The following IGSF8 variants were observed in gnomAD, a reference collection of about 807,000 sequenced individuals.
The protein encoded by IGSF8 is CD81 partner 3.
Under a neutral mutation model 55.5 loss-of-function variants are expected in IGSF8, and 46 were observed. The observed-to-expected ratio is 0.83, with a 90% CI of 0.65 to 1.06. The LOEUF (loss-of-function observed/expected upper bound fraction) is 1.06. IGSF8 is among the 50% of genes least tolerant of loss of function. The pLI is 0.00. For missense variants in IGSF8, 731 were observed against 832.3 expected (o/e 0.88, Z 1.50); for synonymous variants, 314 against 356.1 (o/e 0.88, Z 1.33).
chr1:160,091,796 C>G lies in IGSF8; in HGVS notation c.*15+12G>C. 1.9e-6 allele frequency: 3 copies of G among 1,541,236 alleles called. No individual in the cohort carries two copies. The highest frequency in any genetic ancestry group is 2.7e-6 in the Non-Finnish European group (3 of 1,113,424). On this transcript the variant is annotated intron_variant, in intron 6 of 6. Transcript: ENST00000314485. The stretch of plus-strand genomic sequence containing the variant: ...CCAATGAAAACAAGGTTGGGGGGTT[C>G]TTTTCCCTCACCTGGGGAGTAAGGG...
chr1:160,098,678 T>A (rs1363342524), upstream of IGSF8: 2 of 514,858 alleles, frequency 3.9e-6, no homozygotes, highest in Non-Finnish European at 6.8e-6. Context: ...CTGAAACCAT[T>A]CTCGCCCCGG....
rs958481567 is a variant in IGSF8 at position 160,092,625 on chromosome 1, C to G, written c.1383G>C (p.Leu461=). The part of the protein sequence containing the change: ...TVYRGETASL[L]CNISVRGGPP... ...GGCCACCCCGCACAGAGATGTTGCACAGCAGGGAGGCAGTCTCCCCGCGGT... is the reference window on the plus strand; with the variant it reads ...GGCCACCCCGCACAGAGATGTTGCAGAGCAGGGAGGCAGTCTCCCCGCGGT... The change falls in exon 5 of 7, where the codon CTG becomes CTC. Residue 461 remains leucine, a synonymous_variant. Coordinates refer to ENST00000314485, the MANE Select transcript of IGSF8 (RefSeq NM_052868.6). The G allele has an allele frequency of 6.2e-7, 1 of 1,604,958 alleles. No homozygotes were observed. Among genetic ancestry groups the G allele is most frequent in the African/African-American group, 1.3e-5 (1 of 75,074 alleles).
Position 160,098,535 on chromosome 1 carries a change from T to TG in IGSF8, c.-64dup, listed in dbSNP as rs1266745867. The TG allele has an allele frequency of 7.8e-6, 7 of 902,954 alleles. No homozygotes were observed. The highest frequency in any genetic ancestry group is 7.4e-5 in the East Asian group (2 of 26,874). 55.9% of individuals were successfully genotyped at this position (902,954 alleles called of 1,614,324 possible). On this transcript the variant is annotated 5_prime_UTR_variant, in exon 1 of 7. Coordinates refer to ENST00000314485, the MANE Select transcript of IGSF8 (RefSeq NM_052868.6). ...CGCGGGTTCTGGGGGGCCGGAAGGGTGGGGGGCGCATGCCCAGGTTGAGGG... is the reference window on the plus strand; with the variant it reads ...CGCGGGTTCTGGGGGGCCGGAAGGGTGGGGGGGCGCATGCCCAGGTTGAGGG...
At chr1:160,092,134 GGGCT>G (rs1235299186) in intron 5 of IGSF8, 144 bp downstream of exon 5, 2 of 978,146 alleles carry the variant, frequency 2.0e-6, no homozygotes, top group African/African-American at 3.2e-5. Flanking sequence ...GGGCACTGCA[GGGCT>G]GGAAGTTGGA....
upstream of IGSF8, chr1:160,098,727 C>T: frequency 2.3e-6 from 1 of 429,316 alleles, no homozygotes; most frequent in Non-Finnish European, 4.0e-6. Context: ...CCCGTCTAGG[C>T]CCGCCCCGCC....
At position 160,095,195 on chromosome 1, in the gene IGSF8, C is replaced by T. The variant is rs190351074; in HGVS notation, c.116G>A (p.Arg39His). 19 of 1,609,918 alleles carry T rather than the reference C, an allele frequency of 1.2e-5. No individual in the cohort carries two copies. In the East Asian group the frequency reaches 1.8e-4, roughly 15 times the overall value. ...EVLVPEGPLY[R>H]VAGTAVSISC... ...GATGGAGACAGCTGTGCCAGCCACG[C>T]GGTACAAGGGCCCCTCGGGGACCAG... Residue 39 changes from arginine to histidine, a missense_variant, in exon 2 of 7, where the codon CGC becomes CAC. Physicochemically the swap from Arg to His is conservative, Grantham distance 29 (BLOSUM62 0). Coordinates refer to ENST00000314485, the MANE Select transcript of IGSF8 (RefSeq NM_052868.6).
At chr1:160,096,841 A>G (rs1039973737) in intron 1 of IGSF8, among the ~76,000 whole-genome samples, 13 of 152,240 alleles carry the variant, frequency 8.5e-5, no homozygotes, top group Non-Finnish European at 1.6e-4. Flanking sequence ...GGCAAGTTTC[A>G]TAATCAGAGT....
chr1:160,095,931 C>T (rs1172904820), intron 1 of IGSF8, among the ~76,000 whole-genome samples: 6 of 152,236 alleles, frequency 3.9e-5, no homozygotes, highest in Non-Finnish European at 2.9e-5. Context: ...AAGATCCCCT[C>T]CTCCAGTGCC....
intron 1 of IGSF8, among the ~76,000 whole-genome samples, chr1:160,097,181 G>C (rs908988903): frequency 2.0e-5 from 3 of 152,238 alleles, no homozygotes; most frequent in African/African-American, 7.2e-5. Flanking sequence ...CCCACAGGCA[G>C]TGGGTGCTCA....
chr1:160,092,916 CCT>C lies in IGSF8; in HGVS notation c.1312+6_1312+7del. On this transcript the variant is annotated splice_donor_region_variant and intron_variant, in intron 4 of 6. Coordinates refer to ENST00000314485, the MANE Select transcript of IGSF8 (RefSeq NM_052868.6). ...TCGAACCCCGTCCAGGGCCCAGCCCCCTCTCACCTTCCTCCCGCACATGTACA... is the reference window on the plus strand; with the variant it reads ...TCGAACCCCGTCCAGGGCCCAGCCCCCTCACCTTCCTCCCGCACATGTACA... 1 of 1,588,468 alleles carries C rather than the reference CCT, an allele frequency of 6.3e-7. No individual in the cohort carries two copies. Among genetic ancestry groups the C allele is most frequent in the South Asian group, 1.1e-5 (1 of 89,352 alleles).
At chr1:160,092,768 C>T (rs184184510) in intron 4 of IGSF8, 73 bp from the exon 5 acceptor site, 31 of 1,539,238 alleles carry the variant, frequency 2.0e-5, no homozygotes, top group Admixed American at 1.2e-4. Flanking sequence ...CGCCAAGCAC[C>T]GCCCCAGGAA....
At chr1:160,093,367 C>T in intron 3 of IGSF8, 36 bp from the exon 4 acceptor site, 1 of 1,535,798 alleles carries the variant, frequency 6.5e-7, no homozygotes, top group Non-Finnish European at 8.8e-7. Flanking sequence ...GTCATGGAGG[C>T]AGGAGGGGAC....
chr1:160,099,349 CG>C, upstream of IGSF8, among the ~76,000 whole-genome samples: 1 of 152,270 alleles, frequency 6.6e-6, no homozygotes, highest in African/African-American at 2.4e-5. Flanking sequence ...TAGGGGTTGG[CG>C]GAAGCCAGGA....
At chr1:160,095,911 T>C (rs145267738) in intron 1 of IGSF8, among the ~76,000 whole-genome samples, 10 of 152,330 alleles carry the variant, frequency 6.6e-5, no homozygotes, top group East Asian at 5.8e-4. Flanking sequence ...GCCCTGGCCA[T>C]TGGGGGCAGA....
chr1:160,093,205 C>T lies in IGSF8; in HGVS notation c.1031G>A (p.Gly344Asp), dbSNP rs1650128815. The change falls in exon 4 of 7, where the codon GGT (glycine) becomes GAT (aspartate). Residue 344 changes from glycine to aspartate, a missense_variant. Gly to Asp is a moderately conservative substitution (Grantham distance 94). Transcript: ENST00000314485. ...PAGRHAAYSV[G>D]WEMAPAGAPG... ...TGCCCCCGCAGGTGCCATCTCCCAA[C>T]CTACAGAGTATGCAGCATGACGGCC... The T allele has an allele frequency of 6.2e-7, 1 of 1,614,020 alleles. No homozygotes were observed. The highest frequency in any genetic ancestry group is 8.5e-7 in the Non-Finnish European group (1 of 1,179,956).
At chr1:160,097,696 C>T (rs1403754579) in intron 1 of IGSF8, 3 of 985,326 alleles carry the variant, frequency 3.0e-6, no homozygotes, top group African/African-American at 1.7e-5. Flanking sequence ...CAGAACACCC[C>T]ACCATGAACA....
At chr1:160,092,056 C>T (rs1441255297) in intron 5 of IGSF8, 118 bp from the exon 6 acceptor site, 1 of 822,180 alleles carries the variant, frequency 1.2e-6, no homozygotes, top group Non-Finnish European at 2.0e-6. Context: ...CAGACACCCC[C>T]ATCCCTGCCC....
chr1:160,099,163 C>G (rs539247821), upstream of IGSF8, among the ~76,000 whole-genome samples: 1 of 151,906 alleles, frequency 6.6e-6, no homozygotes, highest in Non-Finnish European at 1.5e-5. Flanking sequence ...AACTGCACCT[C>G]TGCGCATCGA....
At chr1:160,096,407 C>T (rs1425080187) in intron 1 of IGSF8, among the ~76,000 whole-genome samples, 1 of 152,222 alleles carries the variant, frequency 6.6e-6, no homozygotes. Context: ...GATGGGGAAA[C>T]TCCAAGGCCA....
Sources: allele counts gnomAD v4.1 joint callset (sites outside exome capture counted in the v4.1 genomes callset), GRCh38; gene constraint gnomAD v4.1.1; transcripts MANE v1.5; gene names NCBI Gene and HGNC (gene_info 2026-07-23, HGNC 2026-07-21).